XDH: variants seen among roughly 807,000 people sequenced by gnomAD.
The protein encoded by XDH is xanthine dehydrogenase/oxidase.
XDH carries 138 observed loss-of-function variants against 156.1 expected under a neutral mutation model. The observed-to-expected ratio is 0.88, with a 90% CI of 0.77 to 1.02. The LOEUF (loss-of-function observed/expected upper bound fraction) is 1.02. Ranked by LOEUF, XDH falls within the 50% of genes least tolerant of loss-of-function variation. The pLI is 0.00. For synonymous variants in XDH, 669 were observed against 625.7 expected, an observed-to-expected ratio of 1.07 and a Z score of -1.03; for missense variants, 1,849 against 1,684.9, an observed-to-expected ratio of 1.10 and a Z score of -1.71.
intron 13 of XDH, 38 bp from the exon 14 acceptor site, chr2:31,377,275 C>T (rs1316506880): frequency 9.9e-6 from 16 of 1,612,840 alleles, no homozygotes; most frequent in Non-Finnish European, 1.3e-5. Context: ...TTCCACCTTG[C>T]TCTGTAGGGG....
At chr2:31,386,684 A>AAGGGG in intron 8 of XDH, 129 bp from the exon 9 acceptor site, 1 of 1,248,016 alleles carries the variant, frequency 8.0e-7, no homozygotes, top group Non-Finnish European at 1.1e-6. Context: ...AGGAAGAAGC[A>AAGGGG]AGGGGAAGTA....
intron 1 of XDH, among the ~76,000 whole-genome samples, chr2:31,408,342 A>G (rs1391506071): frequency 2.0e-5 from 3 of 152,200 alleles, no homozygotes; most frequent in Non-Finnish European, 4.4e-5. Context: ...ATAGAGAATG[A>G]CTGTGCCACT....
intron 18 of XDH, among the ~76,000 whole-genome samples, 175 bp downstream of exon 18, chr2:31,370,180 T>A (rs1686034757): frequency 1.3e-5 from 2 of 152,248 alleles, no homozygotes; most frequent in Admixed American, 6.5e-5. Context: ...ATCAATTAAA[T>A]AAACAAGTAA....
At chr2:31,404,001 A>C (rs1687130293) in intron 2 of XDH, among the ~76,000 whole-genome samples, 1 of 152,200 alleles carries the variant, frequency 6.6e-6, no homozygotes, top group South Asian at 2.1e-4. Context: ...CTTATTTTTG[A>C]AAAGCACTTT....
At position 31,341,290 on chromosome 2, in the gene XDH, G is replaced by A. The variant is rs770275529; in HGVS notation, c.3585+39C>T. 17 of 1,547,166 alleles carry A rather than the reference G, an allele frequency of 1.1e-5. No homozygotes were observed. In the East Asian group the frequency reaches 3.9e-4, roughly 35 times the overall value. ...CAGGAGGGGAATGGGGTGCATCGGTGGCCAAGTCTGTCACCACCCTGGTCC... is the reference window on the plus strand; with the variant it reads ...CAGGAGGGGAATGGGGTGCATCGGTAGCCAAGTCTGTCACCACCCTGGTCC... On this transcript the variant is annotated intron_variant, in intron 33 of 35. Transcript: ENST00000379416.
intron 6 of XDH, among the ~76,000 whole-genome samples, chr2:31,394,877 A>G (rs1686862394): frequency 6.6e-6 from 1 of 152,174 alleles, no homozygotes; most frequent in African/African-American, 2.4e-5. Context: ...AATCTCTAGC[A>G]TTTCTTTTTA....
At position 31,347,793 on chromosome 2, in the gene XDH, T is replaced by G. The variant is rs190169736; in HGVS notation, c.3148-143A>C. The G allele has an allele frequency of 1.2e-5, 14 of 1,157,816 alleles. No homozygotes were observed. In the East Asian group the frequency reaches 3.2e-4, roughly 27 times the overall value. 71.7% of individuals were successfully genotyped at this position (1,157,816 alleles called of 1,614,324 possible). ...CTAATCTCATTGTCTGGGATGTCCT[T>G]ACATCTGGCTGAATTTGAAGGAGCA... On this transcript the variant is annotated intron_variant, in intron 28 of 35. Transcript: ENST00000379416.
At chr2:31,364,088 G>T in intron 24 of XDH, 70 bp downstream of exon 24, 1 of 1,489,274 alleles carries the variant, frequency 6.7e-7, no homozygotes, top group Non-Finnish European at 9.4e-7. Context: ...GGGGAGGCCT[G>T]TGCCTGCGTG....
rs1572509384 is a variant in XDH at position 31,341,554 on chromosome 2, A to G, written c.3520-160T>C. Among the ~76,000 whole-genome samples the G allele has an allele frequency of 2.6e-5, 4 of 152,260 alleles. No individual in the cohort carries two copies. In the South Asian group the frequency reaches 8.3e-4, roughly 32 times the overall value. On this transcript the variant is annotated intron_variant, in intron 32 of 35. Coordinates refer to ENST00000379416, the MANE Select transcript of XDH (RefSeq NM_000379.4). Reference sequence around the variant, plus strand: ...CTCAGGCAGAAGTGTTGATGTTCCCACCAAATCTCTGCTGCCACCATCCCC... The same window carrying G: ...CTCAGGCAGAAGTGTTGATGTTCCCGCCAAATCTCTGCTGCCACCATCCCC...
intron 15 of XDH, 132 bp downstream of exon 15, chr2:31,375,248 G>T (rs1686212391): frequency 1.7e-6 from 2 of 1,210,182 alleles, no homozygotes; most frequent in Admixed American, 1.7e-5. Flanking sequence ...CAAGATTCTT[G>T]TGCTGTGACC....
chr2:31,350,360 A>C, intron 24 of XDH, 137 bp from the exon 25 acceptor site: 1 of 509,942 alleles, frequency 2.0e-6, no homozygotes, highest in East Asian at 4.2e-5. Flanking sequence ...AGGATATTGC[A>C]GCAGCATCTT....
chr2:31,390,150 A>T (rs1399117896), intron 6 of XDH, among the ~76,000 whole-genome samples: 1 of 152,118 alleles, frequency 6.6e-6, no homozygotes, highest in Non-Finnish European at 1.5e-5. Flanking sequence ...TGCCCTAAAA[A>T]ACCTCTGTAC....
intron 10 of XDH, 140 bp from the exon 11 acceptor site, chr2:31,383,292 G>A (rs1686490851): frequency 7.4e-7 from 1 of 1,347,986 alleles, no homozygotes; most frequent in East Asian, 2.5e-5. Flanking sequence ...AGGAAATGAG[G>A]GCCCAGAGTG....
rs373759640 is a variant in XDH, at chr2:31,368,565, T to A, written c.2076A>T (p.Glu692Asp). Residue 692 changes from glutamate (E) to aspartate (D), a missense_variant, in exon 19 of 36, where the codon GAA (glutamate) becomes GAT (aspartate). Transcript: ENST00000379416. ...CCTCAATTGTGATAATGGCTGGTAG[T>A]TCTTCATAGGTGATTTTCACCCCTT... is the stretch of plus-strand genomic sequence containing the variant. ...AAQGVKITYE[E>D]LPAIITIEDA... 1.9e-6 allele frequency: 3 copies of A among 1,614,176 alleles called. No individual in the cohort carries two copies. The highest frequency in any genetic ancestry group is 2.5e-6 in the Non-Finnish European group (3 of 1,180,026).
intron 12 of XDH, among the ~76,000 whole-genome samples, chr2:31,381,057 G>A (rs1686424810): frequency 6.6e-6 from 1 of 150,602 alleles, no homozygotes; most frequent in Non-Finnish European, 1.5e-5. Context: ...GTGCAGTGGT[G>A]AGATCTCGGC....
chr2:31,408,570 G>C (rs773237199), intron 1 of XDH, among the ~76,000 whole-genome samples: 3 of 152,208 alleles, frequency 2.0e-5, no homozygotes, highest in Non-Finnish European at 2.9e-5. Flanking sequence ...AGTCCAAATA[G>C]AGTCAACAAA....
chr2:31,352,080 T>C (rs1443104097), intron 24 of XDH, among the ~76,000 whole-genome samples: 7 of 152,192 alleles, frequency 4.6e-5, no homozygotes, highest in Non-Finnish European at 1.0e-4. Context: ...CTTCCCCTTC[T>C]CTGTTTTTTC....
At position 31,411,693 on chromosome 2, in the gene XDH, C is replaced by T. The variant is rs145247727; in HGVS notation, c.42+2932G>A. The stretch of plus-strand genomic sequence containing the variant: ...TATTCCATCCACACTAGTTGGACAC[C>T]TACTGTATACCATGCACTGTGCTAA... On this transcript the variant is annotated intron_variant, in intron 1 of 35. Coordinates refer to ENST00000379416, the MANE Select transcript of XDH (RefSeq NM_000379.4). Among the ~76,000 whole-genome samples, 602 of 152,262 alleles carry T rather than the reference C, an allele frequency of 4.0e-3. 5 individuals are homozygous for T. The highest frequency in any genetic ancestry group is 0.013 in the African/African-American group (557 of 41,544).
chr2:31,398,466 T>C lies in XDH; in HGVS notation c.433+107A>G. Reference sequence around the variant, plus strand: ...CCACCTTGTTGGGGGGCCTGAGCCCTTCCTCCAAAGGGTAGTCCCTCATGC... The same window carrying C: ...CCACCTTGTTGGGGGGCCTGAGCCCCTCCTCCAAAGGGTAGTCCCTCATGC... On this transcript the variant is annotated intron_variant, in intron 5 of 35. Transcript: ENST00000379416. 5 of 1,588,800 alleles carry C rather than the reference T, an allele frequency of 3.1e-6. No individual in the cohort carries two copies. The South Asian group carries it at 5.6e-5, about 18-fold the overall frequency.
Sources: gnomAD v4.1 joint callset for allele counts (sites outside exome capture counted in the v4.1 genomes callset) on GRCh38, gnomAD v4.1.1 for gene constraint, MANE v1.5 for transcripts, NCBI Gene and HGNC (gene_info 2026-07-23, HGNC 2026-07-21) for gene names.